PUM1: variants seen among roughly 807,000 people sequenced by gnomAD.
PUM1 encodes pumilio RNA binding family member 1.
Under a neutral mutation model 131.8 loss-of-function variants are expected in PUM1, and 13 were observed. That is an observed-to-expected ratio of 0.10 (90% CI 0.06 to 0.16). The LOEUF (loss-of-function observed/expected upper bound fraction) is 0.16, where lower values mean the gene tolerates loss of function less well. Among genes scored for constraint, PUM1 ranks in the 10% least tolerant of loss-of-function variants. The pLI, the probability that PUM1 is intolerant of heterozygous loss-of-function variation, is 1.00. For missense variants in PUM1, 961 were observed against 1,512.4 expected (o/e 0.64, Z 6.05); for synonymous variants, 509 against 556.5 (o/e 0.91, Z 1.20).
intron 2 of PUM1, among the ~76,000 whole-genome samples, chr1:31,035,818 C>A (rs1390086223): frequency 6.6e-6 from 1 of 151,836 alleles, no homozygotes; most frequent in East Asian, 1.9e-4. Context: ...ATAGATAAAT[C>A]ATTCTTTCCT....
At chr1:31,044,405 T>A (rs1643905798) in intron 2 of PUM1, among the ~76,000 whole-genome samples, 1 of 151,588 alleles carries the variant, frequency 6.6e-6, no homozygotes, top group Admixed American at 6.6e-5. Flanking sequence ...ATCTAAAAAA[T>A]AAAAAATAAA....
At chr1:31,000,674 T>C in intron 5 of PUM1, among the ~76,000 whole-genome samples, 1 of 152,246 alleles carries the variant, frequency 6.6e-6, no homozygotes, top group East Asian at 1.9e-4. Context: ...AGAAGTCATA[T>C]TTAATGGGAT....
intron 14 of PUM1, among the ~76,000 whole-genome samples, chr1:30,956,516 A>G (rs748314323): frequency 6.6e-5 from 10 of 152,148 alleles, no homozygotes; most frequent in Non-Finnish European, 1.3e-4. Flanking sequence ...CGCCCATCTC[A>G]GCCTCCCAAA....
At chr1:30,959,906 C>CAAA (rs756601320) in intron 14 of PUM1, among the ~76,000 whole-genome samples, 2 of 87,046 alleles carry the variant, frequency 2.3e-5, no homozygotes, top group African/African-American at 4.4e-5. Flanking sequence ...GACTCCAGCT[C>CAAA]AAAAAAAAAA....
intron 9 of PUM1, among the ~76,000 whole-genome samples, chr1:30,979,178 C>T (rs1463979296): frequency 6.7e-6 from 1 of 150,346 alleles, no homozygotes; most frequent in Non-Finnish European, 1.5e-5. Context: ...ATACATCCCA[C>T]AAGCAAATAA....
intron 2 of PUM1, among the ~76,000 whole-genome samples, chr1:31,034,158 G>A (rs955587056): frequency 2.6e-5 from 4 of 152,150 alleles, no homozygotes; most frequent in Non-Finnish European, 5.9e-5. Flanking sequence ...GGTTTTGCTA[G>A]CATTCTGGTT....
intron 15 of PUM1, among the ~76,000 whole-genome samples, chr1:30,952,719 GA>G (rs1639998606): frequency 6.6e-5 from 5 of 76,208 alleles, no homozygotes; most frequent in Admixed American, 1.5e-4. Context: ...TGCAGGAAGA[GA>G]GGAGGGGTGG....
At chr1:31,057,415 A>AAAAAAAAG (rs1420922711) in intron 2 of PUM1, among the ~76,000 whole-genome samples, 1 of 148,902 alleles carries the variant, frequency 6.7e-6, no homozygotes, top group African/African-American at 2.5e-5. Flanking sequence ...CAAAAAAAAA[A>AAAAAAAAG]AAAAAAAGAA....
At chr1:30,960,441 G>A (rs2124430267) in intron 14 of PUM1, among the ~76,000 whole-genome samples, 1 of 152,232 alleles carries the variant, frequency 6.6e-6, no homozygotes, top group East Asian at 1.9e-4. Flanking sequence ...AAGTCATCCA[G>A]ATTGGGAAAT....
intron 12 of PUM1, among the ~76,000 whole-genome samples, chr1:30,966,675 T>C (rs1341208877): frequency 6.6e-6 from 1 of 152,244 alleles, no homozygotes; most frequent in Non-Finnish European, 1.5e-5. Flanking sequence ...TGCTGTCTTC[T>C]AGATGTTCCT....
At chr1:31,029,131 T>A (rs920199248) in intron 2 of PUM1, among the ~76,000 whole-genome samples, 1 of 152,196 alleles carries the variant, frequency 6.6e-6, no homozygotes, top group African/African-American at 2.4e-5. Context: ...GCAAATTCCA[T>A]CATGAGAATT....
At chr1:30,988,419 A>G (rs569753871) in intron 7 of PUM1, among the ~76,000 whole-genome samples, 5 of 152,360 alleles carry the variant, frequency 3.3e-5, no homozygotes, top group South Asian at 4.1e-4. Flanking sequence ...GAAAGAAAAT[A>G]TAACAAAAGA....
intron 17 of PUM1, among the ~76,000 whole-genome samples, chr1:30,946,959 TATTA>T (rs1639702209): frequency 6.6e-6 from 1 of 152,194 alleles, no homozygotes; most frequent in Admixed American, 6.5e-5. Context: ...ATCGTGTTTT[TATTA>T]TGATAACTCT....
intron 2 of PUM1, among the ~76,000 whole-genome samples, chr1:31,054,535 T>TAAAAAA (rs555867693): frequency 2.4e-5 from 2 of 83,398 alleles, no homozygotes; most frequent in East Asian, 3.0e-4. Flanking sequence ...AAAGGGCCAC[T>TAAAAAA]AAAAAAAAAA....
At chr1:31,043,266 G>A (rs1228582996) in intron 2 of PUM1, among the ~76,000 whole-genome samples, 2 of 151,796 alleles carry the variant, frequency 1.3e-5, no homozygotes, top group African/African-American at 2.4e-5. Context: ...GCAATGGTGC[G>A]ATCTCAGCTC....
At chr1:30,934,637 T>C (rs1402908815) in intron 21 of PUM1, among the ~76,000 whole-genome samples, 4 of 152,226 alleles carry the variant, frequency 2.6e-5, no homozygotes, top group Non-Finnish European at 4.4e-5. Flanking sequence ...TGCTATACTT[T>C]CCTTTCAGTT....
rs935236214 is a variant in PUM1 at position 30,938,575 on chromosome 1, A to C, written c.3243-1740T>G. Among the ~76,000 whole-genome samples, 9 of 152,066 alleles carry C rather than the reference A, an allele frequency of 5.9e-5. No individual in the cohort carries two copies. In the East Asian group the frequency reaches 1.7e-3, roughly 29 times the overall value. On this transcript the variant is annotated intron_variant, in intron 20 of 21. Transcript: ENST00000426105. ...GCCCCTATTTTTTCTTTTTAAAATA[A>C]GATTCTCAGCCGGGCACGGTGGCTG...
At chr1:31,030,573 C>T (rs1334357035) in intron 2 of PUM1, among the ~76,000 whole-genome samples, 6 of 151,980 alleles carry the variant, frequency 3.9e-5, no homozygotes, top group African/African-American at 9.7e-5. Flanking sequence ...TAGCTGGGCA[C>T]GGTGATGCAC....
chr1:30,950,353 G>C, intron 16 of PUM1, 92 bp from the exon 17 acceptor site: 2 of 1,361,658 alleles, frequency 1.5e-6, no homozygotes, highest in South Asian at 1.5e-5. Flanking sequence ...TCAACCACTG[G>C]CATAACCTCT....
Sources: gnomAD v4.1 joint callset for allele counts (sites outside exome capture counted in the v4.1 genomes callset) on GRCh38, gnomAD v4.1.1 for gene constraint, MANE v1.5 for transcripts, NCBI Gene and HGNC (gene_info 2026-07-23, HGNC 2026-07-21) for gene names.